ALX1: variants seen among roughly 807,000 people sequenced by gnomAD.
ALX1 encodes ALX homeobox protein 1.
ALX1 carries 19 observed loss-of-function variants against 31.7 expected under a neutral mutation model. The ratio of observed to expected loss-of-function variants is 0.60; its 90% CI spans 0.42 to 0.88. ALX1 has a LOEUF of 0.88. Among genes scored for constraint, ALX1 ranks in the 40% least tolerant of loss-of-function variants. ALX1 has a pLI of 0.00. For synonymous variants in ALX1, 153 were observed against 148.8 expected, an observed-to-expected ratio of 1.03 and a Z score of -0.20; for missense variants, 415 against 407.8, an observed-to-expected ratio of 1.02 and a Z score of -0.15.
intron 3 of ALX1, 127 bp downstream of exon 3, chr12:85,287,108 A>G: frequency 8.8e-7 from 1 of 1,142,346 alleles, no homozygotes; most frequent in Non-Finnish European, 1.2e-6. Context: ...GCTTCAGAAA[A>G]CATTCTTCAT....
chr12:85,301,668 T>C lies in ALX1; in HGVS notation c.*193T>C. ...TGAACCTCTGAAAAGACTAAATAGG[T>C]TTACCATGTGCCAGTCTCCACAAAC... On this transcript the variant is annotated 3_prime_UTR_variant, in exon 4 of 4. Coordinates refer to ENST00000316824, the MANE Select transcript of ALX1 (RefSeq NM_006982.3). 1.5e-6 allele frequency: 1 copy of C among 664,750 alleles called. No individual in the cohort carries two copies. Among genetic ancestry groups the C allele is most frequent in the East Asian group, 2.7e-5 (1 of 36,496 alleles). The allele number at this position is 664,750 out of a possible 1,614,324, so 41.2% of individuals were successfully genotyped here. A position where few individuals can be genotyped will look rare whatever the true frequency, so the allele number is the denominator to read the frequency against.
intron 2 of ALX1, among the ~76,000 whole-genome samples, chr12:85,284,809 T>A (rs989852360): frequency 6.6e-6 from 1 of 152,148 alleles, no homozygotes; most frequent in Non-Finnish European, 1.5e-5. Context: ...CTGACTCCTC[T>A]ACAAAAGTAT....
At position 85,280,257 on chromosome 12, in the gene ALX1, G is replaced by A. The variant is rs1360951863; in HGVS notation, c.-5G>A. The A allele has an allele frequency of 6.2e-6, 10 of 1,612,530 alleles. No individual in the cohort carries two copies. The South Asian group carries it at 1.1e-4, about 18-fold the overall frequency. On this transcript the variant is annotated 5_prime_UTR_variant, in exon 1 of 4. Transcript: ENST00000316824. The stretch of plus-strand genomic sequence containing the variant: ...CCAGGAGCTACGCGACAGTCTTCCA[G>A]GATTATGGAGTTTCTGAGCGAGAAG...
chr12:85,284,102 CAT>C (rs1896717037), intron 2 of ALX1, among the ~76,000 whole-genome samples: 1 of 151,682 alleles, frequency 6.6e-6, no homozygotes, highest in African/African-American at 2.4e-5. Context: ...ATTACAGAGA[CAT>C]AAAAATTAAC....
At chr12:85,293,410 G>GA (rs140325586) in intron 3 of ALX1, among the ~76,000 whole-genome samples, 3,038 of 149,782 alleles carry the variant, frequency 0.02, 102 homozygotes, top group African/African-American at 0.071. Flanking sequence ...TTCATTTAAT[G>GA]AAAAAAATTT....
intron 1 of ALX1, among the ~76,000 whole-genome samples, chr12:85,282,791 T>C (rs1164256467): frequency 6.6e-6 from 1 of 152,174 alleles, no homozygotes; most frequent in Non-Finnish European, 1.5e-5. Flanking sequence ...TGTTTTAATT[T>C]CTGTGTTTCA....
chr12:85,281,252 C>G (rs1226242964), intron 1 of ALX1, among the ~76,000 whole-genome samples: 1 of 152,176 alleles, frequency 6.6e-6, no homozygotes, highest in Non-Finnish European at 1.5e-5. Flanking sequence ...TGGAATGCTT[C>G]TGGGTGAAAT....
intron 1 of ALX1, among the ~76,000 whole-genome samples, chr12:85,282,531 A>C (rs1336587885): frequency 6.6e-6 from 1 of 152,198 alleles, no homozygotes; most frequent in African/African-American, 2.4e-5. Context: ...TAATTTTAAA[A>C]AAAGAAACAA....
intron 3 of ALX1, among the ~76,000 whole-genome samples, chr12:85,298,665 G>A (rs1372028521): frequency 6.6e-6 from 1 of 151,662 alleles, no homozygotes; most frequent in Non-Finnish European, 1.5e-5. Context: ...CTACCTATGG[G>A]AATAAATGAC....
intron 3 of ALX1, among the ~76,000 whole-genome samples, chr12:85,287,275 C>A (rs1169217384): frequency 6.6e-6 from 1 of 151,502 alleles, no homozygotes; most frequent in Non-Finnish European, 1.5e-5. Context: ...TTTTAATTAT[C>A]CTACATTCTA....
chr12:85,301,479 A>G lies in ALX1; in HGVS notation c.*4A>G, dbSNP rs1297686733. ...CAATATTTCATGGGCCATGTAACAT[A>G]CAGTACTCTTTTATTTTTCTTTTAA... On this transcript the variant is annotated 3_prime_UTR_variant, in exon 4 of 4. Coordinates refer to ENST00000316824, the MANE Select transcript of ALX1 (RefSeq NM_006982.3). 6.2e-7 allele frequency: 1 copy of G among 1,613,174 alleles called. No homozygotes were observed. The highest frequency in any genetic ancestry group is 1.3e-5 in the African/African-American group (1 of 74,924).
intron 1 of ALX1, among the ~76,000 whole-genome samples, chr12:85,282,580 T>C (rs777539064): frequency 6.6e-6 from 1 of 152,222 alleles, no homozygotes; most frequent in Non-Finnish European, 1.5e-5. Context: ...ATTATTATTC[T>C]GGCTGGTTTG....
At chr12:85,285,909 A>C (rs1209239689) in intron 2 of ALX1, among the ~76,000 whole-genome samples, 1 of 151,904 alleles carries the variant, frequency 6.6e-6, no homozygotes, top group African/African-American at 2.4e-5. Flanking sequence ...AGATATTGGA[A>C]TATTACAGGT....
At chr12:85,301,040 C>A in intron 3 of ALX1, 115 bp from the exon 4 acceptor site, 1 of 1,091,440 alleles carries the variant, frequency 9.2e-7, no homozygotes, top group Non-Finnish European at 1.4e-6. Flanking sequence ...TACAGACCAC[C>A]CAATAGGAGC....
Position 85,301,390 on chromosome 12 carries a change from C to A in ALX1, c.896C>A (p.Pro299Gln), listed in dbSNP as rs1346744337. Residue 299 changes from proline (P) to glutamine (Q), a missense_variant, in exon 4 of 4, where the codon CCA (proline) becomes CAA (glutamine). Coordinates refer to ENST00000316824, the MANE Select transcript of ALX1 (RefSeq NM_006982.3). ...ATNGHAFETK[P>Q]EFERRSSSIA... ...AATGGACATGCATTTGAAACAAAGC[C>A]AGAGTTTGAAAGGAGGTCTTCCAGT... 7 of 1,613,934 alleles carry A rather than the reference C, an allele frequency of 4.3e-6. No homozygotes were observed. In the South Asian group the frequency reaches 5.5e-5, roughly 13 times the overall value.
At chr12:85,291,287 T>G (rs995091135) in intron 3 of ALX1, among the ~76,000 whole-genome samples, 1 of 151,052 alleles carries the variant, frequency 6.6e-6, no homozygotes, top group Non-Finnish European at 1.5e-5. Context: ...ATATAACTGA[T>G]CTAGACAAAA....
intron 2 of ALX1, among the ~76,000 whole-genome samples, chr12:85,284,924 C>G (rs1593048113): frequency 6.6e-6 from 1 of 152,026 alleles, no homozygotes; most frequent in East Asian, 1.9e-4. Flanking sequence ...AATTGTAAGG[C>G]TCTTACATCA....
chr12:85,283,172 A>G (rs1238626949), intron 1 of ALX1, among the ~76,000 whole-genome samples: 1 of 152,240 alleles, frequency 6.6e-6, no homozygotes, highest in Non-Finnish European at 1.5e-5. Context: ...CCACATTAGT[A>G]GCTTGGTTTT....
chr12:85,280,626 G>A, intron 1 of ALX1, 139 bp downstream of exon 1: 4 of 968,142 alleles, frequency 4.1e-6, no homozygotes, highest in Non-Finnish European at 6.3e-6. Context: ...GTAGTGGAAG[G>A]TGCTCGCTTT....
Sources: allele counts gnomAD v4.1 joint callset (sites outside exome capture counted in the v4.1 genomes callset), GRCh38; gene constraint gnomAD v4.1.1; transcripts MANE v1.5; gene names NCBI Gene and HGNC (gene_info 2026-07-23, HGNC 2026-07-21).